The following PRIM2 variants were observed in gnomAD, a reference collection of about 807,000 sequenced individuals.
The protein encoded by PRIM2 is DNA primase large subunit.
PRIM2 carries 39 observed loss-of-function variants against 67.3 expected under a neutral mutation model. The ratio of observed to expected loss-of-function variants is 0.58; its 90% CI spans 0.45 to 0.76. PRIM2 has a LOEUF of 0.76. Ranked by LOEUF, PRIM2 falls within the 30% of genes least tolerant of loss-of-function variation. The probability of loss-of-function intolerance (pLI) is 0.00; values close to 1 mark genes in which losing one functional copy is unlikely to be tolerated. For synonymous variants in PRIM2, 143 were observed against 198.7 expected (o/e 0.72, Z 2.36); for missense variants, 398 against 598.7 (o/e 0.66, Z 3.50).
chr6:57,577,176 G>T (rs1216891048), intron 10 of PRIM2, among the ~76,000 whole-genome samples: 5 of 152,140 alleles, frequency 3.3e-5, no homozygotes, highest in African/African-American at 9.7e-5. Flanking sequence ...GAGATTACTT[G>T]TGTTTCTTGG....
chr6:57,374,296 TTTATTTA>T (rs1769670802), intron 5 of PRIM2, among the ~76,000 whole-genome samples: 2 of 146,654 alleles, frequency 1.4e-5, no homozygotes, highest in African/African-American at 5.2e-5. Context: ...TATTTATTTA[TTTATTTA>T]TTTTTTTTGA....
intron 7 of PRIM2, among the ~76,000 whole-genome samples, chr6:57,402,473 G>A (rs1770746688): frequency 6.6e-6 from 1 of 152,208 alleles, no homozygotes; most frequent in African/African-American, 2.4e-5. Context: ...GTGAAAGAGA[G>A]GAGTAGCCTG....
the PRIM2 span, among the ~76,000 whole-genome samples, chr6:57,303,714 C>T: frequency 2.0e-5 from 3 of 152,186 alleles, no homozygotes; most frequent in African/African-American, 4.8e-5. Context: ...CTCCCTGGTT[C>T]AAATGATTCT....
the PRIM2 span, among the ~76,000 whole-genome samples, chr6:57,308,890 T>TG: frequency 6.6e-6 from 1 of 151,986 alleles, no homozygotes; most frequent in African/African-American, 2.4e-5. Flanking sequence ...TAATTTTACT[T>TG]TAAGTTCTGA....
At chr6:57,451,142 A>G (rs1439244533) in intron 7 of PRIM2, among the ~76,000 whole-genome samples, 2 of 151,908 alleles carry the variant, frequency 1.3e-5, no homozygotes, top group African/African-American at 4.8e-5. Flanking sequence ...TTTTGTTTTA[A>G]TTATTATTAT....
intron 2 of PRIM2, among the ~76,000 whole-genome samples, chr6:57,319,520 G>A (rs899005126): frequency 1.3e-5 from 2 of 152,186 alleles, no homozygotes; most frequent in African/African-American, 4.8e-5. Context: ...AGAAAGCTTA[G>A]CAGTGTCAAT....
intron 7 of PRIM2, among the ~76,000 whole-genome samples, chr6:57,438,704 G>C (rs559577950): frequency 1.3e-5 from 2 of 152,172 alleles, no homozygotes; most frequent in South Asian, 2.1e-4. Context: ...CCAGGGGGAG[G>C]GTGGTCTCTG....
At chr6:57,490,802 A>G (rs1421400071) in intron 7 of PRIM2, among the ~76,000 whole-genome samples, 1 of 152,176 alleles carries the variant, frequency 6.6e-6, no homozygotes, top group Non-Finnish European at 1.5e-5. Flanking sequence ...ACATCTCACT[A>G]TGTTGCCCAG....
rs1487213733 is a variant in PRIM2 at position 57,598,609 on chromosome 6, C to T, written c.1021-2484C>T. On this transcript the variant is annotated intron_variant, in intron 10 of 13. Transcript: ENST00000615550. ...ATTAGAAAATCATCAACCAAGGGCCCGGCATAGTGGCTCACATCTGCAATC... is the reference window on the plus strand; with the variant it reads ...ATTAGAAAATCATCAACCAAGGGCCTGGCATAGTGGCTCACATCTGCAATC... 5.3e-5 allele frequency among the ~76,000 whole-genome samples: 8 copies of T among 152,016 alleles called. 1 individual carries two copies. Among genetic ancestry groups the T allele is most frequent in the Non-Finnish European group, 7.4e-5 (5 of 68,000 alleles).
the PRIM2 span, among the ~76,000 whole-genome samples, chr6:57,235,672 G>A: frequency 3.9e-5 from 6 of 152,150 alleles, no homozygotes; most frequent in Non-Finnish European, 7.4e-5. Context: ...AAAGGACTTT[G>A]CAGATGTGGT....
chr6:57,559,868 G>T (rs1454593076), intron 10 of PRIM2, among the ~76,000 whole-genome samples: 1 of 152,054 alleles, frequency 6.6e-6, no homozygotes, highest in East Asian at 1.9e-4. Context: ...GATCATTTGA[G>T]CCTTTGGTGA....
chr6:57,571,171 A>AT (rs1775856553), intron 10 of PRIM2, among the ~76,000 whole-genome samples: 1 of 152,126 alleles, frequency 6.6e-6, no homozygotes, highest in African/African-American at 2.4e-5. Context: ...CTGTCAAAAG[A>AT]TTTTGCATAA....
intron 7 of PRIM2, among the ~76,000 whole-genome samples, chr6:57,493,219 T>G (rs1296529748): frequency 1.3e-5 from 2 of 152,216 alleles, no homozygotes. Flanking sequence ...AAAAATCATC[T>G]GTCTTGATCT....
At chr6:57,403,411 C>T (rs1050048546) in intron 7 of PRIM2, among the ~76,000 whole-genome samples, 3 of 151,856 alleles carry the variant, frequency 2.0e-5, no homozygotes, top group African/African-American at 7.3e-5. Flanking sequence ...CGCCTGCCAT[C>T]ACACCCGGCT....
At chr6:57,534,785 TTC>T (rs1373900817) in intron 9 of PRIM2, among the ~76,000 whole-genome samples, 2 of 152,204 alleles carry the variant, frequency 1.3e-5, no homozygotes, top group Non-Finnish European at 2.9e-5. Flanking sequence ...ATGGATCTTA[TTC>T]TCTCTTTTAG....
chr6:57,403,401 C>A (rs1317708092), intron 7 of PRIM2, among the ~76,000 whole-genome samples: 5 of 151,728 alleles, frequency 3.3e-5, no homozygotes, highest in Non-Finnish European at 7.4e-5. Context: ...GGACTACAGG[C>A]GCCTGCCATC....
chr6:57,294,793 C>A, the PRIM2 span, among the ~76,000 whole-genome samples: 1 of 150,826 alleles, frequency 6.6e-6, no homozygotes, highest in East Asian at 1.9e-4. Flanking sequence ...ATAATATTGC[C>A]ATTTTTTACT....
intron 10 of PRIM2, among the ~76,000 whole-genome samples, chr6:57,558,651 A>G (rs1401099208): frequency 9.2e-5 from 12 of 130,516 alleles, no homozygotes; most frequent in African/African-American, 3.0e-4. Flanking sequence ...TCTGATCTTT[A>G]TCTTTCTTAA....
Position 57,445,043 on chromosome 6 carries a change from T to C in PRIM2, c.694-62344T>C, listed in dbSNP as rs371471388. On this transcript the variant is annotated intron_variant, in intron 7 of 13. Transcript: ENST00000615550. ...AGAGTGAACATTTATAACATGCTAC[T>C]TTGTGTTGTGTGATAGATATAATTG... is the stretch of plus-strand genomic sequence containing the variant. Among the ~76,000 whole-genome samples, 145 of 152,302 alleles carry C rather than the reference T, an allele frequency of 9.5e-4. 2 individuals are homozygous for C. The highest frequency in any genetic ancestry group is 3.3e-3 in the African/African-American group (139 of 41,552).
Sources: allele counts gnomAD v4.1 joint callset (sites outside exome capture counted in the v4.1 genomes callset), GRCh38; gene constraint gnomAD v4.1.1; transcripts MANE v1.5; gene names NCBI Gene and HGNC (gene_info 2026-07-23, HGNC 2026-07-21).